SLC45A3: variants seen among roughly 807,000 people sequenced by gnomAD.
The protein encoded by SLC45A3 is solute carrier family 45 member 3.
Under a neutral mutation model 35.3 loss-of-function variants are expected in SLC45A3, and 17 were observed. The ratio of observed to expected loss-of-function variants is 0.48; its 90% CI spans 0.33 to 0.72. The LOEUF (loss-of-function observed/expected upper bound fraction) is 0.72, where lower values mean the gene tolerates loss of function less well. Among genes scored for constraint, SLC45A3 ranks in the 30% least tolerant of loss-of-function variants. SLC45A3 has a pLI of 0.02. For missense variants in SLC45A3, 597 were observed against 731.7 expected, an observed-to-expected ratio of 0.82 and a Z score of 2.12; for synonymous variants, 288 against 334.3, an observed-to-expected ratio of 0.86 and a Z score of 1.51.
At chr1:205,673,285 C>A (rs1422660847) in intron 1 of SLC45A3, among the ~76,000 whole-genome samples, 1 of 152,206 alleles carries the variant, frequency 6.6e-6, no homozygotes, top group Non-Finnish European at 1.5e-5. Context: ...CCAAGAAATT[C>A]CTTGGCCCAA....
chr1:205,670,816 A>AC (rs1345516700), intron 1 of SLC45A3, among the ~76,000 whole-genome samples: 1 of 149,328 alleles, frequency 6.7e-6, no homozygotes, highest in Non-Finnish European at 1.5e-5. Context: ...GCTGGCCCCC[A>AC]CCCCCTCCGG....
Position 205,659,191 on chromosome 1 carries a change from A to G in SLC45A3, c.*43T>C, listed in dbSNP as rs1385912182. ...GGGCTAACAGGAGCGGGGAGCTGGG[A>G]CCCAGTGAGGCAGGCCCTCCACCCC... On this transcript the variant is annotated 3_prime_UTR_variant, in exon 5 of 5. Transcript: ENST00000367145. This position sits in a 1 kb window ranked among gnomAD's most constrained non-coding sequence, Gnocchi z 5.8. 1 of 1,556,242 alleles carries G rather than the reference A, an allele frequency of 6.4e-7. No individual in the cohort carries two copies. Among genetic ancestry groups the G allele is most frequent in the Non-Finnish European group, 8.7e-7 (1 of 1,147,004 alleles).
chr1:205,664,389 C>A lies in SLC45A3; in HGVS notation c.172+96G>T. The A allele has an allele frequency of 6.6e-7, 1 of 1,510,802 alleles. No homozygotes were observed. The highest frequency in any genetic ancestry group is 1.8e-5 in the Admixed American group (1 of 54,334). The allele number at this position is 1,510,802 out of a possible 1,614,324, so 93.6% of individuals were successfully genotyped here. A position where few individuals can be genotyped will look rare whatever the true frequency, so the allele number is the denominator to read the frequency against. ...GCAATGCCTTCCCAGCAGACCACCT[C>A]TCCCTCCAAGCAGCTCCCAGGGCAG... is the stretch of plus-strand genomic sequence containing the variant. On this transcript the variant is annotated intron_variant, in intron 2 of 4. Coordinates refer to ENST00000367145, the MANE Select transcript of SLC45A3 (RefSeq NM_033102.3). This position sits in a 1 kb window ranked among gnomAD's most constrained non-coding sequence, Gnocchi z 5.3.
Position 205,666,202 on chromosome 1 carries a change from C to A in SLC45A3, c.-230-1316G>T, listed in dbSNP as rs1202716614. On this transcript the variant is annotated intron_variant, in intron 1 of 4. Transcript: ENST00000367145. This position sits in a 1 kb window ranked among gnomAD's most constrained non-coding sequence, Gnocchi z 4.1. ...CAAAGCGTGTTGTGGGTGCTCTGAG[C>A]TGTGCCACAGAGAAATCAGCCAGGA... 1.3e-5 allele frequency among the ~76,000 whole-genome samples: 2 copies of A among 152,078 alleles called. No individual in the cohort carries two copies. Among genetic ancestry groups the A allele is most frequent in the Admixed American group, 1.3e-4 (2 of 15,266 alleles).
chr1:205,659,325 A>G lies in SLC45A3; in HGVS notation c.1571T>C (p.Met524Thr). Residue 524 changes from methionine (M) to threonine (T), a missense_variant, in exon 5 of 5, where the codon ATG becomes ACG. Transcript: ENST00000367145. This position sits in a 1 kb window ranked among gnomAD's most constrained non-coding sequence, Gnocchi z 5.8. Reference protein sequence around the residue: ...VQLSQSVTAYMVSAAGLGLVA... With the variant: ...VQLSQSVTAYTVSAAGLGLVA... ...CAGACCCAGGCCTGCGGCAGACACC[A>G]TATAGGCAGTGACAGACTGGCTGAG... 6.2e-7 allele frequency: 1 copy of G among 1,614,200 alleles called. No individual in the cohort carries two copies. Among genetic ancestry groups the G allele is most frequent in the Non-Finnish European group, 8.5e-7 (1 of 1,180,022 alleles).
chr1:205,662,287 AG>A lies in SLC45A3; in HGVS notation c.959-162del. 3 of 1,429,824 alleles carry A rather than the reference AG, an allele frequency of 2.1e-6. No homozygotes were observed. The highest frequency in any genetic ancestry group is 2.7e-6 in the Non-Finnish European group (3 of 1,095,664). The allele number at this position is 1,429,824 out of a possible 1,614,324, so 88.6% of individuals were successfully genotyped here. ...TCCCCTTTCTACCTCTAGCAATGGG[AG>A]TCTAGGTTCTTCCACTGACCCTCAG... is the stretch of plus-strand genomic sequence containing the variant. On this transcript the variant is annotated intron_variant, in intron 3 of 4. Coordinates refer to ENST00000367145, the MANE Select transcript of SLC45A3 (RefSeq NM_033102.3). This position sits in a 1 kb window ranked among gnomAD's most constrained non-coding sequence, Gnocchi z 6.2.
rs748340069 is a variant in SLC45A3 at position 205,664,537 on chromosome 1, C to T, written c.120G>A (p.Pro40=). The T allele has an allele frequency of 9.9e-6, 16 of 1,614,080 alleles. No homozygotes were observed. In the African/African-American group the frequency reaches 1.1e-4, roughly 11 times the overall value. ...CTACCCCCACTTCCAGCAGCAGAGG[C>T]GGCACATAGGTGATGCCTGCGGCCA... ...VCLAAGITYV[P]PLLLEVGVEE... The change falls in exon 2 of 5, where the codon CCG becomes CCA. Residue 40 remains proline, a synonymous_variant. Coordinates refer to ENST00000367145, the MANE Select transcript of SLC45A3 (RefSeq NM_033102.3). This position sits in a 1 kb window ranked among gnomAD's most constrained non-coding sequence, Gnocchi z 5.3.
chr1:205,663,318 C>T lies in SLC45A3; in HGVS notation c.473G>A (p.Arg158His), dbSNP rs571524594. 9 of 1,613,378 alleles carry T rather than the reference C, an allele frequency of 5.6e-6. No homozygotes were observed. Among genetic ancestry groups the T allele is most frequent in the Middle Eastern group, 1.6e-4 (1 of 6,062 alleles). ...SDLFRDPDHC[R>H]QAYSVYAFMI... Reference sequence around the variant, plus strand: ...GAAGGCATAGACAGAGTAGGCCTGGCGACAGTGGTCCGGGTCCCGGAAGAG... The same window carrying T: ...GAAGGCATAGACAGAGTAGGCCTGGTGACAGTGGTCCGGGTCCCGGAAGAG... The change falls in exon 3 of 5, where the codon CGC (arginine) becomes CAC (histidine). Residue 158 changes from arginine (R) to histidine (H), a missense_variant. Physicochemically the swap from Arg to His is conservative, Grantham distance 29. Coordinates refer to ENST00000367145, the MANE Select transcript of SLC45A3 (RefSeq NM_033102.3).
chr1:205,658,029 CTG>C lies in SLC45A3; in HGVS notation c.*1203_*1204del, dbSNP rs1478597214. The C allele has an allele frequency of 4.4e-6, 1 of 227,928 alleles. No individual in the cohort carries two copies. Among genetic ancestry groups the C allele is most frequent in the Non-Finnish European group, 8.7e-6 (1 of 114,464 alleles). The allele number at this position is 227,928 out of a possible 1,614,324, so 14.1% of individuals were successfully genotyped here. A position where few individuals can be genotyped will look rare whatever the true frequency, so the allele number is the denominator to read the frequency against. Reference sequence around the variant, plus strand: ...TCAGGCAGGGGGTGCTCCTGAGTTTCTGTGTGAGATTCCCCAAGCACAGATAT... The same window carrying C: ...TCAGGCAGGGGGTGCTCCTGAGTTTCTGTGAGATTCCCCAAGCACAGATAT... On this transcript the variant is annotated 3_prime_UTR_variant, in exon 5 of 5. Transcript: ENST00000367145.
intron 1 of SLC45A3, among the ~76,000 whole-genome samples, chr1:205,668,727 G>C (rs937343472): frequency 3.3e-5 from 5 of 152,144 alleles, no homozygotes; most frequent in Admixed American, 3.3e-4. Flanking sequence ...TCTCAGAAAC[G>C]CAAGGAACAG....
intron 1 of SLC45A3, among the ~76,000 whole-genome samples, 175 bp from the exon 2 acceptor site, chr1:205,665,061 G>A (rs750800558): frequency 1.1e-4 from 16 of 152,190 alleles, no homozygotes; most frequent in African/African-American, 1.7e-4. Context: ...ATTAGCCTAC[G>A]GCTGACATAA....
At chr1:205,661,437 C>T (rs933590294) in intron 4 of SLC45A3, among the ~76,000 whole-genome samples, 3 of 152,162 alleles carry the variant, frequency 2.0e-5, no homozygotes, top group Non-Finnish European at 4.4e-5. Flanking sequence ...CAGGCTAAGT[C>T]AGGTTGCTGC....
rs1262087197 is a variant in SLC45A3, at chr1:205,661,976, C to G, written c.1109G>C (p.Cys370Ser). ...CACCACGGCCACACTGTGGGACAGG[C>G]ATGTGGCACCGGCAGCCACAGGGAA... ...AAFPVAAGAT[C>S]LSHSVAVVTA... is the part of the protein sequence containing the mutation. The change falls in exon 4 of 5, where the codon TGC (cysteine) becomes TCC (serine). Residue 370 changes from cysteine to serine, a missense_variant. Physicochemically the swap from Cys to Ser is moderately radical, Grantham distance 112. Around this residue, in one of 3 missense-constraint regions of SLC45A3, gnomAD observed 555 missense variants for 664.9 expected, o/e 0.83. Coordinates refer to ENST00000367145, the MANE Select transcript of SLC45A3 (RefSeq NM_033102.3). The G allele has an allele frequency of 6.2e-7, 1 of 1,614,178 alleles. No homozygotes were observed. The highest frequency in any genetic ancestry group is 8.5e-7 in the Non-Finnish European group (1 of 1,180,044).
chr1:205,673,051 G>A (rs1671245496), intron 1 of SLC45A3, among the ~76,000 whole-genome samples: 1 of 152,092 alleles, frequency 6.6e-6, no homozygotes, highest in Non-Finnish European at 1.5e-5. Flanking sequence ...CACCCCAGCC[G>A]CACTTACCCC....
chr1:205,674,403 A>G (rs906198730), intron 1 of SLC45A3, among the ~76,000 whole-genome samples: 2 of 151,974 alleles, frequency 1.3e-5, no homozygotes, highest in Admixed American at 6.6e-5. Flanking sequence ...CCTGGGCAAC[A>G]TGGTAAAACC....
In SLC45A3 at chr1:205,662,745, T is replaced by G; in HGVS notation, c.958+88A>C. On this transcript the variant is annotated intron_variant, in intron 3 of 4. Transcript: ENST00000367145. The surrounding 1 kb of genome is among the most constrained non-coding windows in gnomAD (Gnocchi z 6.2). The stretch of plus-strand genomic sequence containing the variant: ...CCTGACAGAGAAGTCGGGGCCAGGA[T>G]GGAGAGGCACCAGCCCAGACACAGC... 1 of 1,498,422 alleles carries G rather than the reference T, an allele frequency of 6.7e-7. No homozygotes were observed. Among genetic ancestry groups the G allele is most frequent in the East Asian group, 2.3e-5 (1 of 43,682 alleles). 92.8% of individuals were successfully genotyped at this position (1,498,422 alleles called of 1,614,324 possible). A position where few individuals can be genotyped will look rare whatever the true frequency, so the allele number is the denominator to read the frequency against.
rs771094992 is a variant in SLC45A3 at position 205,663,308 on chromosome 1, G to A, written c.483C>T (p.Tyr161=). ...FRDPDHCRQA[Y]SVYAFMISLG... is the part of the protein sequence containing the mutation. ...GACTGATCATGAAGGCATAGACAGA[G>A]TAGGCCTGGCGACAGTGGTCCGGGT... The change falls in exon 3 of 5, where the codon TAC becomes TAT. Residue 161 remains tyrosine, a synonymous_variant. Transcript: ENST00000367145. 36 of 1,613,360 alleles carry A rather than the reference G, an allele frequency of 2.2e-5. No homozygotes were observed. In the East Asian group the frequency reaches 6.2e-4, roughly 28 times the overall value.
At chr1:205,667,493 G>A (rs1002058581) in intron 1 of SLC45A3, among the ~76,000 whole-genome samples, 7 of 151,826 alleles carry the variant, frequency 4.6e-5, no homozygotes, top group Admixed American at 2.6e-4. Context: ...ATGACAGTGC[G>A]AAACTCCATC....
rs1185882450 is a variant in SLC45A3, at chr1:205,663,549, C to T, written c.242G>A (p.Arg81His). ...LGSASDHWRG[R>H]YGRRRPFIWA... ...GATGAAGGGCCGGCGGCGGCCATAG[C>T]GTCCACGCCAGTGGTCACTGGCTGA... The change falls in exon 3 of 5, where the codon CGC (arginine) becomes CAC (histidine). Residue 81 changes from arginine to histidine, a missense_variant. Around this residue, in one of 3 missense-constraint regions of SLC45A3, gnomAD observed 555 missense variants for 664.9 expected, o/e 0.83. Transcript: ENST00000367145. The T allele has an allele frequency of 5.0e-6, 8 of 1,612,508 alleles. No individual in the cohort carries two copies. Among genetic ancestry groups the T allele is most frequent in the East Asian group, 2.2e-5 (1 of 44,892 alleles).
Sources: allele counts gnomAD v4.1 joint callset (sites outside exome capture counted in the v4.1 genomes callset), GRCh38; gene constraint gnomAD v4.1.1; regional missense constraint gnomAD v4.1.1; non-coding constraint Gnocchi (gnomAD v3.1); transcripts MANE v1.5; gene names NCBI Gene and HGNC (gene_info 2026-07-23, HGNC 2026-07-21).